Variants in USP40 observed in about 807,000 individuals in gnomAD.
The protein encoded by USP40 is ubiquitin specific peptidase 40, also known as ubiquitin carboxyl-terminal hydrolase 40.
In USP40, 143 loss-of-function variants were observed where a neutral mutation model predicts 166.2. The ratio of observed to expected loss-of-function variants is 0.86; its 90% CI spans 0.75 to 0.99. USP40 has a LOEUF of 0.99. Among genes scored for constraint, USP40 ranks in the 50% least tolerant of loss-of-function variants. The pLI is 0.00. For synonymous variants in USP40, 498 were observed against 524.0 expected, an observed-to-expected ratio of 0.95 and a Z score of 0.68; for missense variants, 1,444 against 1,479.7, an observed-to-expected ratio of 0.98 and a Z score of 0.40.
At position 233,523,327 on chromosome 2, in the gene USP40, C is replaced by T. The variant is rs759413224; in HGVS notation, c.2044G>A (p.Ala682Thr). The T allele has an allele frequency of 1.1e-5, 17 of 1,613,916 alleles. No individual in the cohort carries two copies. Among genetic ancestry groups the T allele is most frequent in the Admixed American group, 8.3e-5 (5 of 60,004 alleles). ...ATGAAGATGACACCTGCTGGGATTG[C>T]TAAGGCTGTGAGGACAGTGCCCACT... ...AEVGTVLTAL[A>T]IPAGVIFINS... Residue 682 changes from alanine to threonine, a missense_variant, in exon 16 of 32, where the codon GCA becomes ACA. Coordinates refer to ENST00000678225, the MANE Select transcript of USP40 (RefSeq NM_001365479.2).
At chr2:233,508,068 T>C (rs2125140512) in intron 21 of USP40, among the ~76,000 whole-genome samples, 1 of 152,312 alleles carries the variant, frequency 6.6e-6, no homozygotes, top group South Asian at 2.1e-4. Context: ...TATGTGTCAA[T>C]AACCCACTTT....
intron 6 of USP40, among the ~76,000 whole-genome samples, chr2:233,553,797 C>G (rs2070798220): frequency 6.6e-6 from 1 of 152,014 alleles, no homozygotes; most frequent in African/African-American, 2.4e-5. Context: ...ACTTTTCCCT[C>G]TTAGCTCTCA....
chr2:233,519,383 T>A, intron 18 of USP40: 1 of 423,584 alleles, frequency 2.4e-6, no homozygotes. Flanking sequence ...TCATTGTATC[T>A]GGGGAAGGAG....
chr2:233,496,729 G>A (rs367655651), intron 24 of USP40, 29 bp downstream of exon 24: 1 of 1,566,266 alleles, frequency 6.4e-7, no homozygotes, highest in Non-Finnish European at 8.8e-7. Context: ...TATTACTTAA[G>A]AGTTGTCTAT....
chr2:233,559,100 G>A (rs1294542879), intron 4 of USP40, among the ~76,000 whole-genome samples: 1 of 152,194 alleles, frequency 6.6e-6, no homozygotes. Context: ...ATGGTAGACT[G>A]GGATTTGTTT....
At chr2:233,495,135 T>C (rs999693668) in intron 24 of USP40, among the ~76,000 whole-genome samples, 1 of 151,246 alleles carries the variant, frequency 6.6e-6, no homozygotes, top group African/African-American at 2.4e-5. Flanking sequence ...TGGAGTATTA[T>C]GAAGCTACTA....
At chr2:233,511,951 T>A (rs2066872036) in intron 19 of USP40, 154 bp from the exon 20 acceptor site, 3 of 584,930 alleles carry the variant, frequency 5.1e-6, no homozygotes, top group Non-Finnish European at 8.8e-6. Context: ...TGCACTAAGA[T>A]TAGGTTTGAT....
At chr2:233,527,982 T>A (rs1036668036) in intron 12 of USP40, among the ~76,000 whole-genome samples, 2 of 148,012 alleles carry the variant, frequency 1.4e-5, no homozygotes, top group Non-Finnish European at 3.0e-5. Context: ...CTCCCATGAT[T>A]TTTTTTTTTT....
chr2:233,541,545 TTTC>T (rs549860294), intron 9 of USP40, among the ~76,000 whole-genome samples: 98 of 152,352 alleles, frequency 6.4e-4, no homozygotes, highest in African/African-American at 2.0e-3. Context: ...AGAAAATACA[TTTC>T]TATCATCTAA....
At position 233,489,354 on chromosome 2, in the gene USP40, AAGGAACCT is replaced by A; in HGVS notation, c.3131+3_3131+10del. On this transcript the variant is annotated splice_donor_5th_base_variant and intron_variant, in intron 27 of 31. Transcript: ENST00000678225. ...AGAGAGGGACAGTGTTGCGTCCAGC[AAGGAACCT>A]ACCTGAGTGGCTGCCGGTCAGTTCG... The A allele has an allele frequency of 6.3e-7, 1 of 1,575,784 alleles. No homozygotes were observed. The highest frequency in any genetic ancestry group is 8.6e-7 in the Non-Finnish European group (1 of 1,160,044).
chr2:233,532,629 T>G (rs949151922), intron 11 of USP40, among the ~76,000 whole-genome samples: 3 of 152,214 alleles, frequency 2.0e-5, no homozygotes, highest in Non-Finnish European at 4.4e-5. Flanking sequence ...TTTTGTCTAA[T>G]TCTTTGTTCG....
Position 233,480,947 on chromosome 2 carries a change from G to A in USP40, c.3599+256C>T, listed in dbSNP as rs756009701. Among the ~76,000 whole-genome samples the A allele has an allele frequency of 6.6e-6, 1 of 152,138 alleles. No individual in the cohort carries two copies. Among genetic ancestry groups the A allele is most frequent in the Non-Finnish European group, 1.5e-5 (1 of 68,022 alleles). ...TGAGGAGGAAGGAGGGGGACCGGGG[G>A]GCCATGGATCTGCGGGCTCCTCATC... On this transcript the variant is annotated intron_variant, in intron 31 of 31. Coordinates refer to ENST00000678225, the MANE Select transcript of USP40 (RefSeq NM_001365479.2). The surrounding 1 kb of genome is among the most constrained non-coding windows in gnomAD (Gnocchi z 4.5).
At position 233,477,488 on chromosome 2, in the gene USP40, A is replaced by AT; in HGVS notation, c.3614dup (p.His1205GlnfsTer2). On this transcript the variant is annotated frameshift_variant, in exon 32 of 32. Transcript: ENST00000678225. LOFTEE classifies it low-confidence loss of function (END_TRUNC). ...TGGAGAGGATGTAGCTGCTCTGCTC[A>AT]TGGAGGGCTTCTTGGCTGCAGAGAC... is the stretch of plus-strand genomic sequence containing the variant. The AT allele has an allele frequency of 6.2e-7, 1 of 1,613,092 alleles. No homozygotes were observed. Among genetic ancestry groups the AT allele is most frequent in the Non-Finnish European group, 8.5e-7 (1 of 1,179,594 alleles).
chr2:233,562,627 A>G (rs56317390), intron 3 of USP40, 109 bp downstream of exon 3: 9 of 637,898 alleles, frequency 1.4e-5, no homozygotes, highest in African/African-American at 5.8e-5. Context: ...ATGATGAGTT[A>G]GTGGGTGCAG....
rs1478944610 is a variant in USP40, at chr2:233,475,527, A to G, written c.*1865T>C. Reference sequence around the variant, plus strand: ...CGGCAACCAAAAGCAGCTAAGGGCTACAACTTTAAAAAATGGTTTATTTTT... The same window carrying G: ...CGGCAACCAAAAGCAGCTAAGGGCTGCAACTTTAAAAAATGGTTTATTTTT... On this transcript the variant is annotated 3_prime_UTR_variant, in exon 32 of 32. Transcript: ENST00000678225. 6.6e-6 allele frequency: 1 copy of G among 152,362 alleles called. No individual in the cohort carries two copies. Among genetic ancestry groups the G allele is most frequent in the East Asian group, 1.9e-4 (1 of 5,292 alleles). The allele number at this position is 152,362 out of a possible 1,614,324, so 9.4% of individuals were successfully genotyped here.
chr2:233,510,385 TTTC>T (rs1482612593), intron 20 of USP40, among the ~76,000 whole-genome samples: 2 of 138,876 alleles, frequency 1.4e-5, no homozygotes, highest in Non-Finnish European at 3.1e-5. Flanking sequence ...ACTACTTCTT[TTTC>T]TTTCTTTTTT....
At chr2:233,518,005 A>C (rs2067358515) in intron 18 of USP40, among the ~76,000 whole-genome samples, 1 of 140,672 alleles carries the variant, frequency 7.1e-6, no homozygotes, top group African/African-American at 2.6e-5. Context: ...AGAATGATAT[A>C]GTGGACTTTG....
At position 233,498,619 on chromosome 2, in the gene USP40, A is replaced by C; in HGVS notation, c.2651-7T>G. The C allele has an allele frequency of 1.2e-6, 2 of 1,611,752 alleles. No individual in the cohort carries two copies. Among genetic ancestry groups the C allele is most frequent in the South Asian group, 1.1e-5 (1 of 90,504 alleles). On this transcript the variant is annotated splice_region_variant and splice_polypyrimidine_tract_variant and intron_variant, in intron 22 of 31. Coordinates refer to ENST00000678225, the MANE Select transcript of USP40 (RefSeq NM_001365479.2). ...CGTAAATGCCAGGCATCTCCTATAA[A>C]GGAGTCAAAATTGGGATAAAAAAAA...
Position 233,493,257 on chromosome 2 carries a change from C to T in USP40, c.2917+168G>A. 1 of 890,618 alleles carries T rather than the reference C, an allele frequency of 1.1e-6. No individual in the cohort carries two copies. Among genetic ancestry groups the T allele is most frequent in the Non-Finnish European group, 1.7e-6 (1 of 578,270 alleles). 55.2% of individuals were successfully genotyped at this position (890,618 alleles called of 1,614,324 possible). ...TTACAGAGCACGTACAGAAATGGCA[C>T]AGTGTTATTATTATGTGATGTCTGG... is the stretch of plus-strand genomic sequence containing the variant. On this transcript the variant is annotated intron_variant, in intron 25 of 31. Coordinates refer to ENST00000678225, the MANE Select transcript of USP40 (RefSeq NM_001365479.2). This position sits in a 1 kb window ranked among gnomAD's most constrained non-coding sequence, Gnocchi z 4.7.
Sources: allele counts gnomAD v4.1 joint callset (sites outside exome capture counted in the v4.1 genomes callset), GRCh38; gene constraint gnomAD v4.1.1; non-coding constraint Gnocchi (gnomAD v3.1); transcripts MANE v1.5; gene names NCBI Gene and HGNC (gene_info 2026-07-23, HGNC 2026-07-21).